Variants in DGKH observed in about 807,000 individuals in gnomAD.
DGKH encodes diacylglycerol kinase eta.
A neutral mutation model predicts 159.3 loss-of-function variants in DGKH; 90 were observed. The ratio of observed to expected loss-of-function variants is 0.57; its 90% CI spans 0.48 to 0.67. The LOEUF (loss-of-function observed/expected upper bound fraction) is 0.67, where lower values mean the gene tolerates loss of function less well. DGKH is among the 30% of genes least tolerant of loss of function. The pLI is 0.00. For missense variants in DGKH, 1,181 were observed against 1,506.1 expected (o/e 0.78, Z 3.57); for synonymous variants, 536 against 553.8 (o/e 0.97, Z 0.45).
chr13:42,171,345 G>T (rs750614999), intron 11 of DGKH, among the ~76,000 whole-genome samples: 24 of 151,970 alleles, frequency 1.6e-4, no homozygotes, highest in Non-Finnish European at 3.2e-4. Flanking sequence ...TCTCAACTCT[G>T]CACTCTTTCC....
chr13:42,204,638 C>T (rs1258216512), intron 20 of DGKH, among the ~76,000 whole-genome samples: 1 of 152,216 alleles, frequency 6.6e-6, no homozygotes, highest in East Asian at 1.9e-4. Flanking sequence ...CCTCACTAAG[C>T]TCTTATTCTT....
chr13:42,211,987 T>G (rs927809279), intron 24 of DGKH, among the ~76,000 whole-genome samples: 1 of 152,118 alleles, frequency 6.6e-6, no homozygotes, highest in Non-Finnish European at 1.5e-5. Context: ...AAGATGAGAT[T>G]TGGGTGGGGA....
At chr13:42,101,243 C>T (rs1954646761) in intron 1 of DGKH, among the ~76,000 whole-genome samples, 1 of 152,138 alleles carries the variant, frequency 6.6e-6, no homozygotes, top group Admixed American at 6.5e-5. Context: ...TTACATTCTG[C>T]GTATCCTTTA....
intron 1 of DGKH, chr13:42,066,227 C>T (rs916651227): frequency 1.3e-5 from 2 of 152,186 alleles, no homozygotes; most frequent in African/African-American, 4.8e-5. Flanking sequence ...CAGTTCTACA[C>T]CATGTTCGTA....
rs555309814 is a variant in DGKH at position 42,160,692 on chromosome 13, G to A, written c.855+556G>A. 7.2e-4 allele frequency among the ~76,000 whole-genome samples: 110 copies of A among 152,332 alleles called. 1 individual carries two copies. The highest frequency in any genetic ancestry group is 1.1e-3 in the Non-Finnish European group (76 of 68,030). On this transcript the variant is annotated intron_variant, in intron 7 of 29. Transcript: ENST00000337343. Reference sequence around the variant, plus strand: ...TGAAAAACTGCAGGATGAGGAGGTCGTGGGTGTGAGCGTTCATCTCAGCAC... The same window carrying A: ...TGAAAAACTGCAGGATGAGGAGGTCATGGGTGTGAGCGTTCATCTCAGCAC...
Position 42,234,552 on chromosome 13 carries a change from A to G in DGKH, c.*5364A>G, listed in dbSNP as rs947530891. On this transcript the variant is annotated 3_prime_UTR_variant, in exon 30 of 30. Coordinates refer to ENST00000337343, the MANE Select transcript of DGKH (RefSeq NM_178009.5). ...TCTGCCCCCTCTACGCCCCACTCCA[A>G]TTAACTCATCCTACATCTCTCAGAT... The G allele has an allele frequency of 3.3e-5, 5 of 152,192 alleles. No individual in the cohort carries two copies. The highest frequency in any genetic ancestry group is 9.7e-5 in the African/African-American group (4 of 41,440). 9.4% of individuals were successfully genotyped at this position (152,192 alleles called of 1,614,324 possible).
Position 42,234,954 on chromosome 13 carries a change from T to C in DGKH, c.*5766T>C, listed in dbSNP as rs934880147. ...GTTTTTATAATACACAAAGCATTAA[T>C]TTTTTCTTATCTTATTTTCTCTTTA... On this transcript the variant is annotated 3_prime_UTR_variant, in exon 30 of 30. Transcript: ENST00000337343. The C allele has an allele frequency of 5.9e-5, 9 of 152,250 alleles. No individual in the cohort carries two copies. Among genetic ancestry groups the C allele is most frequent in the African/African-American group, 9.6e-5 (4 of 41,462 alleles). 9.4% of individuals were successfully genotyped at this position (152,250 alleles called of 1,614,324 possible).
chr13:42,163,265 TTGGACATTTG>T (rs1956235903), intron 7 of DGKH, among the ~76,000 whole-genome samples: 1 of 152,088 alleles, frequency 6.6e-6, no homozygotes, highest in Non-Finnish European at 1.5e-5. Context: ...TCTATCATTG[TTGGACATTTG>T]GGTTGGTTCC....
chr13:42,229,057 C>G, intron 29 of DGKH, 42 bp from the exon 30 acceptor site: 2 of 1,527,752 alleles, frequency 1.3e-6, no homozygotes, highest in Non-Finnish European at 1.8e-6. Flanking sequence ...TTTTTTCTTT[C>G]ATTTTTAATT....
At chr13:42,048,174 G>A (rs1566073316), upstream of DGKH, among the ~76,000 whole-genome samples, 1 of 152,108 alleles carries the variant, frequency 6.6e-6, no homozygotes, top group Admixed American at 6.5e-5. The surrounding 1 kb of genome is among the most constrained non-coding windows in gnomAD (Gnocchi z 6.7). Context: ...TGGTGGCAGA[G>A]GGGACTTTTA....
intron 1 of DGKH, among the ~76,000 whole-genome samples, chr13:42,094,906 A>G (rs1954492506): frequency 6.6e-6 from 1 of 152,200 alleles, no homozygotes; most frequent in South Asian, 2.1e-4. Context: ...AAGGTAGCAG[A>G]AAACAAATGG....
At chr13:42,071,492 A>G (rs1039558355) in intron 1 of DGKH, among the ~76,000 whole-genome samples, 1 of 152,244 alleles carries the variant, frequency 6.6e-6, no homozygotes, top group African/African-American at 2.4e-5. Flanking sequence ...GCTTCTATGA[A>G]CATTCTCCTC....
At chr13:42,148,350 C>T (rs556885351) in intron 3 of DGKH, among the ~76,000 whole-genome samples, 1 of 152,246 alleles carries the variant, frequency 6.6e-6, no homozygotes, top group South Asian at 2.1e-4. Context: ...ATAATGGAGT[C>T]ATCTAAACCC....
At chr13:42,057,778 C>T (rs1173877803) in intron 1 of DGKH, among the ~76,000 whole-genome samples, 9 of 152,026 alleles carry the variant, frequency 5.9e-5, no homozygotes, top group Admixed American at 2.6e-4. Flanking sequence ...ATACTTGAAA[C>T]GCATAGTATA....
At chr13:42,051,192 T>G (rs1881269932) in intron 1 of DGKH, among the ~76,000 whole-genome samples, 1 of 152,272 alleles carries the variant, frequency 6.6e-6, no homozygotes, top group Admixed American at 6.5e-5. Context: ...AGATCATTTT[T>G]GACTATGAAA....
chr13:42,215,769 G>T (rs1322052153), intron 26 of DGKH, 102 bp downstream of exon 26: 1 of 1,034,420 alleles, frequency 9.7e-7, no homozygotes, highest in African/African-American at 1.6e-5. Flanking sequence ...GGCAGAAGCA[G>T]CCTTCTGGCT....
downstream of DGKH, among the ~76,000 whole-genome samples, chr13:42,243,469 G>A (rs1958551089): frequency 6.6e-6 from 1 of 152,300 alleles, no homozygotes; most frequent in South Asian, 2.1e-4. Context: ...AAAGTCCAGT[G>A]CATGACAAGT....
chr13:42,091,985 G>A (rs974168457), intron 1 of DGKH, among the ~76,000 whole-genome samples: 5 of 152,108 alleles, frequency 3.3e-5, no homozygotes, highest in African/African-American at 9.7e-5. Flanking sequence ...GAACCTCCAC[G>A]CTGTTTTCTG....
chr13:42,141,029 C>CATTAACTCGTCATTTACATTAGGTATA (rs1555264853), intron 3 of DGKH, among the ~76,000 whole-genome samples: 706 of 52,156 alleles, frequency 0.014, 266 homozygotes, highest in Middle Eastern at 0.016. Context: ...GTGCTGAACC[C>CATTAACTCGTCATTTACATTAGGTATA]TCCTAATGCT....
Sources: gnomAD v4.1 joint callset for allele counts (sites outside exome capture counted in the v4.1 genomes callset) on GRCh38, gnomAD v4.1.1 for gene constraint, Gnocchi (gnomAD v3.1) non-coding constraint, MANE v1.5 for transcripts, NCBI Gene and HGNC (gene_info 2026-07-23, HGNC 2026-07-21) for gene names.